The following GPNMB variants were observed in gnomAD, a reference collection of about 807,000 sequenced individuals.
GPNMB encodes the protein transmembrane glycoprotein NMB.
In GPNMB, 71 loss-of-function variants were observed where a neutral mutation model predicts 57.3. That is an observed-to-expected ratio of 1.24 (90% CI 1.02 to 1.51). The LOEUF (loss-of-function observed/expected upper bound fraction) is 1.51. Among genes scored for constraint, GPNMB ranks in the 40% most tolerant of loss-of-function variants. GPNMB has a pLI of 0.00. For synonymous variants in GPNMB, 253 were observed against 263.2 expected (o/e 0.96, Z 0.38); for missense variants, 677 against 691.9 (o/e 0.98, Z 0.24).
chr7:23,248,660 G>T (rs531129645), intron 1 of GPNMB, among the ~76,000 whole-genome samples: 59 of 152,248 alleles, frequency 3.9e-4, no homozygotes, highest in African/African-American at 1.3e-3. Flanking sequence ...GCCAAAGTGT[G>T]GAGGCAGAGT....
chr7:23,266,420 A>T (rs1783062209), intron 6 of GPNMB, 97 bp from the exon 7 acceptor site: 1 of 1,315,812 alleles, frequency 7.6e-7, no homozygotes, highest in African/African-American at 1.5e-5. Context: ...TATTTTTCTA[A>T]AAAGCAAATG....
At chr7:23,262,011 C>G (rs980029197) in intron 6 of GPNMB, among the ~76,000 whole-genome samples, 1 of 152,156 alleles carries the variant, frequency 6.6e-6, no homozygotes, top group African/African-American at 2.4e-5. Context: ...TAGCAATAGG[C>G]TGACATCCTC....
intron 4 of GPNMB, among the ~76,000 whole-genome samples, chr7:23,259,595 G>A (rs1375010679): frequency 6.6e-6 from 1 of 152,032 alleles, no homozygotes; most frequent in Non-Finnish European, 1.5e-5. Context: ...GTAGGTTATT[G>A]GATAAATAAT....
intron 6 of GPNMB, chr7:23,266,164 T>C: frequency 5.0e-6 from 1 of 201,236 alleles, no homozygotes; most frequent in Non-Finnish European, 1.0e-5. Flanking sequence ...TTAGTCAGGA[T>C]GGGCTCGATC....
At chr7:23,268,578 A>G (rs1463045191) in intron 8 of GPNMB, among the ~76,000 whole-genome samples, 1 of 152,244 alleles carries the variant, frequency 6.6e-6, no homozygotes, top group Admixed American at 6.5e-5. Context: ...ATATATAAAT[A>G]CTATATCGAT....
chr7:23,253,533 A>T, intron 2 of GPNMB, 74 bp downstream of exon 2: 1 of 1,265,414 alleles, frequency 7.9e-7, no homozygotes, highest in Non-Finnish European at 1.1e-6. Context: ...AAAGCCTTTT[A>T]GATCACACGG....
intron 4 of GPNMB, chr7:23,257,470 A>G: frequency 7.0e-6 from 2 of 287,438 alleles, no homozygotes; most frequent in Non-Finnish European, 1.3e-5. Flanking sequence ...TCAGGAGTTC[A>G]AGACCAGCCT....
In GPNMB at chr7:23,270,076, C is replaced by A. The variant is rs547758286; in HGVS notation, c.1330C>A (p.Arg444=). 6.2e-7 allele frequency: 1 copy of A among 1,613,994 alleles called. No individual in the cohort carries two copies. The highest frequency in any genetic ancestry group is 1.1e-5 in the South Asian group (1 of 91,082). Residue 444 remains arginine, a synonymous_variant, in exon 9 of 11, where the codon CGA becomes AGA. Transcript: ENST00000258733. ...TGAGATGTGTCTGCTGACTGTGAGA[C>A]GAACCTTCAATGGGTCTGGGACGTA... is the stretch of plus-strand genomic sequence containing the variant. The part of the protein sequence containing the change: ...VDEMCLLTVR[R]TFNGSGTYCV...
At chr7:23,247,093 C>T in intron 1 of GPNMB, 166 bp downstream of exon 1, 1 of 634,290 alleles carries the variant, frequency 1.6e-6, no homozygotes, top group Non-Finnish European at 2.9e-6. Context: ...GCTGAAACTA[C>T]AGCAAAATGC....
In GPNMB at chr7:23,274,806, C is replaced by T. The variant is rs570093960; in HGVS notation, c.*582C>T. The T allele has an allele frequency of 2.0e-5, 3 of 152,260 alleles. No homozygotes were observed. Among genetic ancestry groups the T allele is most frequent in the African/African-American group, 7.2e-5 (3 of 41,526 alleles). 9.4% of individuals were successfully genotyped at this position (152,260 alleles called of 1,614,324 possible). ...AGTATTTTGGTGACAACCTACTTTG[C>T]TTGGCTGAGTGAAGGAATGATATTC... On this transcript the variant is annotated 3_prime_UTR_variant, in exon 11 of 11. Coordinates refer to ENST00000258733, the MANE Select transcript of GPNMB (RefSeq NM_002510.3).
rs569195101 is a variant in GPNMB, at chr7:23,260,649, T to C, written c.894T>C (p.Thr298=). 38 of 1,613,272 alleles carry C rather than the reference T, an allele frequency of 2.4e-5. No homozygotes were observed. The highest frequency in any genetic ancestry group is 3.1e-5 in the Non-Finnish European group (36 of 1,179,310). The change falls in exon 6 of 11, where the codon ACT becomes ACC. Residue 298 remains threonine (T), a synonymous_variant. Coordinates refer to ENST00000258733, the MANE Select transcript of GPNMB (RefSeq NM_002510.3). ...GCCTGTTTGTTTCCACCAATCATAC[T>C]GTGAATCACACGTATGTGCTCAATG... The part of the protein sequence containing the change: ...NTGLFVSTNH[T]VNHTYVLNGT...
intron 1 of GPNMB, among the ~76,000 whole-genome samples, chr7:23,248,973 G>A (rs1233750944): frequency 1.3e-5 from 2 of 152,106 alleles, no homozygotes; most frequent in African/African-American, 4.8e-5. Flanking sequence ...TTGTAGAAAT[G>A]GGATCTTACT....
chr7:23,264,379 TA>T (rs1199998689), intron 6 of GPNMB, among the ~76,000 whole-genome samples: 4 of 151,924 alleles, frequency 2.6e-5, no homozygotes, highest in Non-Finnish European at 4.4e-5. Flanking sequence ...TTTTTATTTT[TA>T]TTTTTTTTTT....
intron 6 of GPNMB, among the ~76,000 whole-genome samples, chr7:23,262,842 A>G (rs984884499): frequency 6.6e-5 from 10 of 151,524 alleles, no homozygotes; most frequent in Admixed American, 1.3e-4. Context: ...CTGGTCTCCA[A>G]CTCTTGAGCA....
At chr7:23,260,399 C>A in intron 5 of GPNMB, 57 bp from the exon 6 acceptor site, 1 of 1,348,654 alleles carries the variant, frequency 7.4e-7, no homozygotes, top group Admixed American at 2.0e-5. Context: ...TCGAAGCCCT[C>A]CACTTACAAT....
chr7:23,262,068 T>C (rs1329234616), intron 6 of GPNMB, among the ~76,000 whole-genome samples: 2 of 152,148 alleles, frequency 1.3e-5, no homozygotes, highest in Non-Finnish European at 2.9e-5. Context: ...CGACGGTCCA[T>C]CATGACGTCT....
At chr7:23,247,695 G>T (rs1215613957) in intron 1 of GPNMB, 2 of 152,340 alleles carry the variant, frequency 1.3e-5, no homozygotes, top group African/African-American at 4.8e-5. Context: ...AGCGGCTTCT[G>T]GTCAGAGCCG....
intron 4 of GPNMB, among the ~76,000 whole-genome samples, chr7:23,259,434 G>T (rs1047320696): frequency 1.3e-5 from 2 of 151,878 alleles, no homozygotes; most frequent in African/African-American, 4.8e-5. Flanking sequence ...CGCCTGCCTC[G>T]GCCTCCCAAA....
chr7:23,258,950 T>C (rs1782846180), intron 4 of GPNMB, among the ~76,000 whole-genome samples: 1 of 152,230 alleles, frequency 6.6e-6, no homozygotes, highest in Non-Finnish European at 1.5e-5. Context: ...CCAGGCCCCC[T>C]GGCAGGATTA....
Sources: allele counts gnomAD v4.1 joint callset (sites outside exome capture counted in the v4.1 genomes callset), GRCh38; gene constraint gnomAD v4.1.1; transcripts MANE v1.5; gene names NCBI Gene and HGNC (gene_info 2026-07-23, HGNC 2026-07-21).